Variants in RASGEF1C observed in about 807,000 individuals in gnomAD.
RASGEF1C encodes the protein RasGEF domain family member 1C.
Under a neutral mutation model 58.1 loss-of-function variants are expected in RASGEF1C, and 27 were observed. The ratio of observed to expected loss-of-function variants is 0.46; its 90% CI spans 0.34 to 0.64. The LOEUF (loss-of-function observed/expected upper bound fraction) is 0.64, where lower values mean the gene tolerates loss of function less well. Among genes scored for constraint, RASGEF1C ranks in the 30% least tolerant of loss-of-function variants. The pLI, the probability that RASGEF1C is intolerant of heterozygous loss-of-function variation, is 0.01. For synonymous variants in RASGEF1C, 243 were observed against 246.3 expected, an observed-to-expected ratio of 0.99 and a Z score of 0.13; for missense variants, 502 against 605.1, an observed-to-expected ratio of 0.83 and a Z score of 1.79.
At chr5:180,128,263 C>A (rs974116499) in intron 5 of RASGEF1C, 147 bp downstream of exon 5, 1 of 783,628 alleles carries the variant, frequency 1.3e-6, no homozygotes. Flanking sequence ...GCCTCTGCAT[C>A]CACAAGGGGC....
intron 7 of RASGEF1C, 80 bp from the exon 8 acceptor site, chr5:180,119,528 G>T: frequency 1.9e-6 from 2 of 1,065,400 alleles, no homozygotes; most frequent in Non-Finnish European, 2.9e-6. Context: ...CACCTGGCCC[G>T]CTTCACCTTC....
intron 6 of RASGEF1C, among the ~76,000 whole-genome samples, chr5:180,127,274 C>A (rs1272116135): frequency 1.3e-5 from 2 of 152,260 alleles, no homozygotes; most frequent in Admixed American, 1.3e-4. Flanking sequence ...GGTCCCGGAG[C>A]GCGCCAGGGG....
chr5:180,109,077 T>A (rs995512114), intron 12 of RASGEF1C, among the ~76,000 whole-genome samples: 36 of 152,334 alleles, frequency 2.4e-4, no homozygotes, highest in Non-Finnish European at 2.1e-4. Context: ...GACTCCTCTA[T>A]GCCTCTCCTC....
chr5:180,157,590 G>C (rs1455340170), intron 1 of RASGEF1C, among the ~76,000 whole-genome samples: 1 of 149,150 alleles, frequency 6.7e-6, no homozygotes, highest in Non-Finnish European at 1.5e-5. Context: ...TTGCGCCATT[G>C]CACTCCAGTC....
At chr5:180,112,822 G>T (rs1408418122) in intron 11 of RASGEF1C, among the ~76,000 whole-genome samples, 2 of 152,276 alleles carry the variant, frequency 1.3e-5, no homozygotes, top group Non-Finnish European at 2.9e-5. Flanking sequence ...GGACTCGGGT[G>T]CAGTGACTGA....
chr5:180,208,134 C>T (rs986143376), intron 1 of RASGEF1C, among the ~76,000 whole-genome samples: 16 of 152,086 alleles, frequency 1.1e-4, no homozygotes, highest in African/African-American at 3.9e-4. Flanking sequence ...GCCAGTCTTA[C>T]CAGAGGTGGG....
At chr5:180,125,949 C>T (rs1458025141) in intron 6 of RASGEF1C, among the ~76,000 whole-genome samples, 1 of 152,084 alleles carries the variant, frequency 6.6e-6, no homozygotes, top group Non-Finnish European at 1.5e-5. Context: ...TGTATACCAG[C>T]GGGTGTAAGA....
At chr5:180,181,798 G>A (rs1408527781) in intron 1 of RASGEF1C, among the ~76,000 whole-genome samples, 1 of 152,176 alleles carries the variant, frequency 6.6e-6, no homozygotes. Flanking sequence ...ACAAACACAA[G>A]GCTGAGTGGA....
chr5:180,110,529 G>A (rs1319471010), intron 12 of RASGEF1C, among the ~76,000 whole-genome samples: 2 of 151,944 alleles, frequency 1.3e-5, no homozygotes, highest in East Asian at 1.9e-4. Context: ...GTGGGGCCGC[G>A]GGGCCATTCC....
chr5:180,121,525 G>A (rs1766173216), intron 6 of RASGEF1C, among the ~76,000 whole-genome samples: 1 of 152,074 alleles, frequency 6.6e-6, no homozygotes. Flanking sequence ...GTGTTAGCCA[G>A]GATGGTCTCC....
chr5:180,208,372 G>C (rs1326246785), intron 1 of RASGEF1C, among the ~76,000 whole-genome samples: 1 of 152,124 alleles, frequency 6.6e-6, no homozygotes, highest in Non-Finnish European at 1.5e-5. Context: ...CTGAGCATGG[G>C]GCGGCGTCGC....
At chr5:180,118,221 A>C (rs956334902) in intron 10 of RASGEF1C, among the ~76,000 whole-genome samples, 1 of 152,164 alleles carries the variant, frequency 6.6e-6, no homozygotes, top group Non-Finnish European at 1.5e-5. Flanking sequence ...AAGGGCCCCA[A>C]GTGGGGAGGA....
intron 1 of RASGEF1C, among the ~76,000 whole-genome samples, chr5:180,154,132 G>A (rs62406098): frequency 0.21 from 31,272 of 152,158 alleles, 3,499 homozygotes; most frequent in African/African-American, 0.29. Flanking sequence ...AGAAGAGGCC[G>A]GAATTCTAAG....
intron 1 of RASGEF1C, among the ~76,000 whole-genome samples, chr5:180,205,787 G>A (rs1756476669): frequency 6.6e-6 from 1 of 151,988 alleles, no homozygotes; most frequent in South Asian, 2.1e-4. Flanking sequence ...GAGTGCAGGG[G>A]TACAATCTCA....
At chr5:180,120,445 G>A (rs938263786) in intron 7 of RASGEF1C, among the ~76,000 whole-genome samples, 3 of 152,292 alleles carry the variant, frequency 2.0e-5, no homozygotes. Context: ...AGCCCAGCCT[G>A]GCCCAGCGCT....
At position 180,158,577 on chromosome 5, in the gene RASGEF1C, C is replaced by G. The variant is rs6894856; in HGVS notation, c.-6-20519G>C. ...AACTTTGTAGAATTTTCTTTGTTCC[C>G]GTAGGGTGACCTGTCATGCTGGTTT... On this transcript the variant is annotated intron_variant, in intron 1 of 13. Coordinates refer to ENST00000361132, the MANE Select transcript of RASGEF1C (RefSeq NM_175062.4). This position sits in a 1 kb window ranked among gnomAD's most constrained non-coding sequence, Gnocchi z 4.0. Among the ~76,000 whole-genome samples the G allele has an allele frequency of 5.3e-5, 8 of 152,038 alleles. No homozygotes were observed. The highest frequency in any genetic ancestry group is 1.9e-4 in the African/African-American group (8 of 41,408).
Position 180,143,516 on chromosome 5 carries a change from G to T in RASGEF1C, c.-6-5458C>A, listed in dbSNP as rs550048164. On this transcript the variant is annotated intron_variant, in intron 1 of 13. Coordinates refer to ENST00000361132, the MANE Select transcript of RASGEF1C (RefSeq NM_175062.4). This position sits in a 1 kb window ranked among gnomAD's most constrained non-coding sequence, Gnocchi z 4.3. ...AAGGGCCCTGCTGTTCCTCCTCAGC[G>T]TGGGGCTGGCAGAAGGTGGGCCGGC... is the stretch of plus-strand genomic sequence containing the variant. Among the ~76,000 whole-genome samples, 25 of 152,320 alleles carry T rather than the reference G, an allele frequency of 1.6e-4. No individual in the cohort carries two copies. In the South Asian group the frequency reaches 4.8e-3, roughly 29 times the overall value.
chr5:180,153,098 A>C (rs960067414), intron 1 of RASGEF1C, among the ~76,000 whole-genome samples: 1 of 152,114 alleles, frequency 6.6e-6, no homozygotes, highest in Non-Finnish European at 1.5e-5. Context: ...CCTGGCTCCC[A>C]AATGGGGAAA....
intron 1 of RASGEF1C, among the ~76,000 whole-genome samples, chr5:180,171,184 G>A (rs1039333981): frequency 8.5e-5 from 13 of 152,232 alleles, no homozygotes; most frequent in Non-Finnish European, 1.5e-4. Context: ...GGGGAGCACA[G>A]GGAGGAAAAC....
Sources: gnomAD v4.1 joint callset for allele counts (sites outside exome capture counted in the v4.1 genomes callset) on GRCh38, gnomAD v4.1.1 for gene constraint, Gnocchi (gnomAD v3.1) non-coding constraint, MANE v1.5 for transcripts, NCBI Gene and HGNC (gene_info 2026-07-23, HGNC 2026-07-21) for gene names.